Variants in CDCA5 observed in about 807,000 individuals in gnomAD.
CDCA5 encodes sororin.
In CDCA5, 14 loss-of-function variants were observed where a neutral mutation model predicts 25.7. The observed-to-expected ratio is 0.54, with a 90% CI of 0.36 to 0.85. CDCA5 has a LOEUF of 0.85. CDCA5 is among the 40% of genes least tolerant of loss of function. The probability of loss-of-function intolerance (pLI) is 0.01; values close to 1 mark genes in which losing one functional copy is unlikely to be tolerated. For synonymous variants in CDCA5, 127 were observed against 128.7 expected (o/e 0.99, Z 0.09); for missense variants, 307 against 324.5 (o/e 0.95, Z 0.41).
rs777826146 is a variant in CDCA5 at position 65,078,095 on chromosome 11, C to T, written c.*1012G>A. The T allele has an allele frequency of 5.1e-6, 5 of 985,314 alleles. No homozygotes were observed. The highest frequency in any genetic ancestry group is 2.3e-4 in the East Asian group (2 of 8,826). 61.0% of individuals were successfully genotyped at this position (985,314 alleles called of 1,614,324 possible). A position where few individuals can be genotyped will look rare whatever the true frequency, so the allele number is the denominator to read the frequency against. The stretch of plus-strand genomic sequence containing the variant: ...AAAAACTAAAATTGCTATCAGCCCC[C>T]GCCGCTGTCTGGTACGCGAGGAAAC... On this transcript the variant is annotated 3_prime_UTR_variant, in exon 6 of 6. Transcript: ENST00000275517.
At chr11:65,066,571 G>T (rs1947241557) in exon 6 of CDCA5, 1 of 1,289,388 alleles carries the variant, frequency 7.8e-7, no homozygotes, top group Non-Finnish European at 1.0e-6. Context: ...GCCACCTCCG[G>T]CAGGGCCTGG....
At chr11:65,068,218 T>A in intron 2 of CDCA5, 1 of 791,340 alleles carries the variant, frequency 1.3e-6, no homozygotes, top group Non-Finnish European at 1.8e-6. Context: ...CTCCCTGTCT[T>A]TCAGGGGCCC....
downstream of CDCA5, among the ~76,000 whole-genome samples, chr11:65,061,787 A>C (rs928236754): frequency 1.8e-4 from 27 of 151,192 alleles, no homozygotes; most frequent in East Asian, 2.3e-3. Flanking sequence ...GAAAAAAAAA[A>C]AAAAAAAACA....
chr11:65,075,553 G>A (rs1394886898), downstream of CDCA5, among the ~76,000 whole-genome samples: 3 of 151,926 alleles, frequency 2.0e-5, no homozygotes, highest in Non-Finnish European at 2.9e-5. Context: ...GCTGTGGGGT[G>A]GGGGGGATGT....
intron 4 of CDCA5, among the ~76,000 whole-genome samples, 189 bp from the exon 5 acceptor site, chr11:65,079,976 C>T (rs550489670): frequency 5.3e-5 from 8 of 151,378 alleles, no homozygotes; most frequent in African/African-American, 1.5e-4. Flanking sequence ...CTGCAAGCTC[C>T]GCCTCCCGGG....
chr11:65,071,348 CTT>C (rs763489252), intron 1 of CDCA5, among the ~76,000 whole-genome samples: 9 of 137,590 alleles, frequency 6.5e-5, no homozygotes, highest in African/African-American at 1.1e-4. Flanking sequence ...ACAGTTATTC[CTT>C]TTTTTTTTTT....
At chr11:65,073,849 C>T (rs1271999859), downstream of CDCA5, among the ~76,000 whole-genome samples, 2 of 152,322 alleles carry the variant, frequency 1.3e-5, no homozygotes, top group South Asian at 2.1e-4. Context: ...TGGACAAACA[C>T]GCATTCCCCA....
Position 65,068,019 on chromosome 11 carries a change from AGCCTTACGATTCAGG to A in CDCA5, c.262_269+7del. 1 of 1,285,634 alleles carries A rather than the reference AGCCTTACGATTCAGG, an allele frequency of 7.8e-7. No individual in the cohort carries two copies. Among genetic ancestry groups the A allele is most frequent in the Non-Finnish European group, 1.0e-6 (1 of 985,582 alleles). 79.6% of individuals were successfully genotyped at this position (1,285,634 alleles called of 1,614,324 possible). On this transcript the variant is annotated splice_donor_variant and splice_donor_5th_base_variant and coding_sequence_variant and intron_variant, in exon 3 of 7. Transcript: ENST00000525464. LOFTEE classifies it high-confidence loss of function. Reference sequence around the variant, plus strand: ...CTCTCTCTCTCTCTCTCTCTCATGCAGCCTTACGATTCAGGGTCTTTTGGCTCAGTGGGCTCAGAG... The same window carrying A: ...CTCTCTCTCTCTCTCTCTCTCATGCAGTCTTTTGGCTCAGTGGGCTCAGAG...
intron 4 of CDCA5, among the ~76,000 whole-genome samples, chr11:65,081,480 G>C (rs508375): frequency 0.9 from 136,189 of 151,942 alleles, 61,386 homozygotes; most frequent in Middle Eastern, 0.97. Context: ...TGCTGACTAC[G>C]ACTTCCTCAT....
At chr11:65,079,856 G>A (rs751730630) in intron 4 of CDCA5, 69 bp from the exon 5 acceptor site, 13 of 1,239,470 alleles carry the variant, frequency 1.0e-5, no homozygotes, top group Non-Finnish European at 1.4e-5. Context: ...AAAAGCCCGA[G>A]AAGATTCAGG....
intron 4 of CDCA5, chr11:65,066,954 T>G: frequency 1.8e-6 from 2 of 1,090,946 alleles, no homozygotes; most frequent in Admixed American, 4.6e-5. Context: ...CCCTCCCACC[T>G]CCTGCTTCAG....
chr11:65,078,986 G>C lies in CDCA5; in HGVS notation c.*121C>G. ...CAAAGGCAGACAGTCCTCATGCGCAGCACCAGCACACACACAGGTAACAAG... is the reference window on the plus strand; with the variant it reads ...CAAAGGCAGACAGTCCTCATGCGCACCACCAGCACACACACAGGTAACAAG... On this transcript the variant is annotated 3_prime_UTR_variant, in exon 6 of 6. Coordinates refer to ENST00000275517, the MANE Select transcript of CDCA5 (RefSeq NM_080668.4). 1.5e-6 allele frequency: 2 copies of C among 1,330,300 alleles called. No homozygotes were observed. Among genetic ancestry groups the C allele is most frequent in the East Asian group, 5.5e-5 (2 of 36,366 alleles). 82.4% of individuals were successfully genotyped at this position (1,330,300 alleles called of 1,614,324 possible). A position where few individuals can be genotyped will look rare whatever the true frequency, so the allele number is the denominator to read the frequency against.
chr11:65,078,875 G>C lies in CDCA5; in HGVS notation c.*232C>G, dbSNP rs543660858. 4.4e-4 allele frequency: 544 copies of C among 1,233,944 alleles called. 1 individual carries two copies. The highest frequency in any genetic ancestry group is 6.3e-4 in the South Asian group (16 of 25,508). The allele number at this position is 1,233,944 out of a possible 1,614,324, so 76.4% of individuals were successfully genotyped here. On this transcript the variant is annotated 3_prime_UTR_variant, in exon 6 of 6. Coordinates refer to ENST00000275517, the MANE Select transcript of CDCA5 (RefSeq NM_080668.4). ...TTTGGGGAGATAGGAAGGACAGGAC[G>C]ACAAGAGACAGGACACCAGTGAGTG...
At chr11:65,069,545 T>C (rs1947302088) in intron 1 of CDCA5, among the ~76,000 whole-genome samples, 1 of 152,150 alleles carries the variant, frequency 6.6e-6, no homozygotes, top group Non-Finnish European at 1.5e-5. Context: ...CAGCGTGGTA[T>C]GGCTGCTGGA....
intron 4 of CDCA5, among the ~76,000 whole-genome samples, chr11:65,081,650 A>C (rs2137141611): frequency 6.6e-6 from 1 of 152,212 alleles, no homozygotes; most frequent in African/African-American, 2.4e-5. Context: ...AAGACATCAA[A>C]CATGCAAGAA....
chr11:65,076,869 G>A (rs1266398916), downstream of CDCA5, among the ~76,000 whole-genome samples: 2 of 152,302 alleles, frequency 1.3e-5, no homozygotes, highest in East Asian at 3.9e-4. Context: ...GGACTCGGGA[G>A]GGTGTTTGCT....
downstream of CDCA5, chr11:65,077,332 G>A (rs1248219923): frequency 2.0e-5 from 6 of 297,622 alleles, no homozygotes; most frequent in Non-Finnish European, 3.0e-5. Context: ...ACCATGGGGC[G>A]AATGCGGGGA....
chr11:65,078,859 A>G lies in CDCA5; in HGVS notation c.*248T>C, dbSNP rs1014311443. 15 of 1,213,416 alleles carry G rather than the reference A, an allele frequency of 1.2e-5. No individual in the cohort carries two copies. Among genetic ancestry groups the G allele is most frequent in the Non-Finnish European group, 1.5e-5 (15 of 975,810 alleles). The allele number at this position is 1,213,416 out of a possible 1,614,324, so 75.2% of individuals were successfully genotyped here. On this transcript the variant is annotated 3_prime_UTR_variant, in exon 6 of 6. Transcript: ENST00000275517. Reference sequence around the variant, plus strand: ...AAACTGGCTATGGTACTTTGGGGAGATAGGAAGGACAGGACGACAAGAGAC... The same window carrying G: ...AAACTGGCTATGGTACTTTGGGGAGGTAGGAAGGACAGGACGACAAGAGAC...
Position 65,079,629 on chromosome 11 carries a change from T to A in CDCA5, c.402A>T (p.Arg134Ser). The A allele has an allele frequency of 6.2e-7, 1 of 1,609,408 alleles. No homozygotes were observed. Among genetic ancestry groups the A allele is most frequent in the Non-Finnish European group, 8.5e-7 (1 of 1,176,866 alleles). Residue 134 changes from arginine (R) to serine (S), a missense_variant, in exon 5 of 6, where the codon AGA (arginine) becomes AGT (serine). Physicochemically the swap from Arg to Ser is moderately radical, Grantham distance 110. Transcript: ENST00000275517. ...SSSKEGELDA[R>S]DLEMSKKVRR... ...TGACTTTCTTAGACATTTCCAAGTC[T>A]CTGGCGTCCAGCTCTCCTTCCTTGG...
Sources: allele counts gnomAD v4.1 joint callset (sites outside exome capture counted in the v4.1 genomes callset), GRCh38; gene constraint gnomAD v4.1.1; transcripts MANE v1.5; gene names NCBI Gene and HGNC (gene_info 2026-07-23, HGNC 2026-07-21).